Variants in UGGT2 observed in about 807,000 individuals in gnomAD.
UGGT2 encodes UDP-glucose glycoprotein glucosyltransferase 2.
Under a neutral mutation model 192.1 loss-of-function variants are expected in UGGT2, and 180 were observed. The observed-to-expected ratio is 0.94, with a 90% CI of 0.83 to 1.06. The LOEUF is 1.06. Ranked by LOEUF, UGGT2 falls within the 50% of genes least tolerant of loss-of-function variation. UGGT2 has a pLI of 0.00. For missense variants in UGGT2, 1,849 were observed against 1,795.7 expected, an observed-to-expected ratio of 1.03 and a Z score of -0.54; for synonymous variants, 580 against 591.0, an observed-to-expected ratio of 0.98 and a Z score of 0.27.
Position 96,053,243 on chromosome 13 carries a change from G to A in UGGT2, c.70C>T (p.Leu24Phe), listed in dbSNP as rs939816032. 4 of 1,555,068 alleles carry A rather than the reference G, an allele frequency of 2.6e-6. No homozygotes were observed. Among genetic ancestry groups the A allele is most frequent in the East Asian group, 2.4e-5 (1 of 41,572 alleles). The change falls in exon 1 of 39, where the codon CTC becomes TTC. Residue 24 changes from leucine (L) to phenylalanine (F), a missense_variant. Transcript: ENST00000376747. Reference sequence around the variant, plus strand: ...GACGCGGCGACCGTCCCGGAGCCGAGCTGCGAAAGCCACAGCGCTGTGGAG... The same window carrying A: ...GACGCGGCGACCGTCCCGGAGCCGAACTGCGAAAGCCACAGCGCTGTGGAG... ...LGSTALWLSQ[L>F]GSGTVAASKS...
intron 17 of UGGT2, among the ~76,000 whole-genome samples, chr13:95,933,678 TTTTG>T (rs140258720): frequency 0.35 from 53,295 of 151,606 alleles, 9,751 homozygotes; most frequent in Non-Finnish European, 0.41. Context: ...TTCTAAATTT[TTTTG>T]TTTTTGTTTT....
At chr13:95,929,792 G>A (rs768483835) in intron 17 of UGGT2, among the ~76,000 whole-genome samples, 4 of 152,180 alleles carry the variant, frequency 2.6e-5, no homozygotes, top group Non-Finnish European at 5.9e-5. Flanking sequence ...TTCCTCTGGA[G>A]ATGTACCCAG....
chr13:96,040,684 C>T (rs509323), intron 1 of UGGT2, among the ~76,000 whole-genome samples: 147,906 of 152,248 alleles, frequency 0.97, 71,991 homozygotes, highest in East Asian at 1. Context: ...AATACCCTGG[C>T]AAACCCATAG....
chr13:95,854,375 T>C lies in UGGT2; in HGVS notation c.4109A>G (p.Tyr1370Cys), dbSNP rs1889366942. 5.0e-6 allele frequency: 8 copies of C among 1,613,908 alleles called. No individual in the cohort carries two copies. Among genetic ancestry groups the C allele is most frequent in the Non-Finnish European group, 6.8e-6 (8 of 1,179,886 alleles). ...CCAGTATCCTGTTTTCCAGAAACGA[T>C]ATCCATCCATTTCCCTGCGGCTATC... Reference protein sequence around the residue: ...FCDSRREMDGYRFWKTGYWAS... With the variant: ...FCDSRREMDGCRFWKTGYWAS... The change falls in exon 35 of 39, where the codon TAT becomes TGT. Residue 1370 changes from tyrosine (Y) to cysteine (C), a missense_variant. Transcript: ENST00000376747.
At chr13:95,908,873 A>G (rs1174099789) in intron 20 of UGGT2, among the ~76,000 whole-genome samples, 2 of 126,772 alleles carry the variant, frequency 1.6e-5, no homozygotes, top group African/African-American at 5.9e-5. Context: ...GTAGGTTGCG[A>G]AAATTTTCTC....
Position 95,937,043 on chromosome 13 carries a change from G to C in UGGT2, c.1858C>G (p.Gln620Glu). Residue 620 changes from glutamine (Q) to glutamate (E), a missense_variant, in exon 17 of 39, where the codon CAA becomes GAA. Physicochemically the swap from Gln to Glu is conservative, Grantham distance 29. Transcript: ENST00000376747. ...AAGGGTTCACCATTATAAAGAGCTT[G>C]AGGCAAAGGACCCAGGCCAGTCATC... is the stretch of plus-strand genomic sequence containing the variant. ...YKMTGLGPLP[Q>E]ALYNGEPFKH... 6.2e-7 allele frequency: 1 copy of C among 1,603,850 alleles called. No individual in the cohort carries two copies.
At chr13:95,992,704 T>C (rs1045405380) in intron 7 of UGGT2, among the ~76,000 whole-genome samples, 1 of 151,830 alleles carries the variant, frequency 6.6e-6, no homozygotes, top group African/African-American at 2.4e-5. Context: ...ATCAGAGAAA[T>C]GCAAGTCAAA....
chr13:95,895,703 A>T (rs1361236685), intron 22 of UGGT2, among the ~76,000 whole-genome samples: 2 of 152,090 alleles, frequency 1.3e-5, no homozygotes, highest in East Asian at 1.9e-4. Flanking sequence ...CTATATTTTT[A>T]AAAATCTTTT....
intron 13 of UGGT2, 80 bp from the exon 14 acceptor site, chr13:95,948,161 C>T: frequency 1.8e-6 from 2 of 1,123,592 alleles, no homozygotes; most frequent in Non-Finnish European, 1.3e-6. Flanking sequence ...ATTTTTGTGA[C>T]TGAAAGTATG....
chr13:95,987,837 C>T (rs905563605), intron 8 of UGGT2, among the ~76,000 whole-genome samples: 4 of 152,074 alleles, frequency 2.6e-5, no homozygotes, highest in Admixed American at 6.6e-5. Flanking sequence ...CTTTGTTTGC[C>T]CCCCGCATCC....
chr13:95,926,129 C>T (rs1007995625), intron 19 of UGGT2, among the ~76,000 whole-genome samples: 2 of 151,774 alleles, frequency 1.3e-5, no homozygotes, highest in African/African-American at 4.8e-5. Context: ...ATTTATGTCC[C>T]AAATATATGT....
At chr13:95,994,183 A>G (rs1594531157) in intron 7 of UGGT2, among the ~76,000 whole-genome samples, 1 of 152,162 alleles carries the variant, frequency 6.6e-6, no homozygotes, top group Middle Eastern at 3.4e-3. Flanking sequence ...TCAGAACTTT[A>G]TCAACTCCTG....
At chr13:95,892,683 C>G (rs1281270247) in intron 24 of UGGT2, among the ~76,000 whole-genome samples, 4 of 152,124 alleles carry the variant, frequency 2.6e-5, no homozygotes, top group Non-Finnish European at 4.4e-5. Context: ...ATTGAAAACA[C>G]TGTTCATTAT....
intron 20 of UGGT2, among the ~76,000 whole-genome samples, chr13:95,925,461 G>T (rs2048987978): frequency 6.6e-6 from 1 of 152,038 alleles, no homozygotes; most frequent in Admixed American, 6.6e-5. Context: ...TGATCACAAG[G>T]ACTACCAGAG....
chr13:95,895,378 AAT>A, intron 22 of UGGT2, 74 bp from the exon 23 acceptor site: 1 of 951,490 alleles, frequency 1.1e-6, no homozygotes, highest in Non-Finnish European at 1.4e-6. Flanking sequence ...TTCCTCATCA[AAT>A]AGATATTTCT....
At position 95,925,750 on chromosome 13, in the gene UGGT2, G is replaced by T. The variant is rs759290036; in HGVS notation, c.2225C>A (p.Thr742Asn). 1 of 1,565,180 alleles carries T rather than the reference G, an allele frequency of 6.4e-7. No homozygotes were observed. Among genetic ancestry groups the T allele is most frequent in the South Asian group, 1.2e-5 (1 of 81,204 alleles). Reference sequence around the variant, plus strand: ...ATCAAAATCTGCAATAATCCAGAGAGTGACTGCAGAAATTATACTCTCATC... The same window carrying T: ...ATCAAAATCTGCAATAATCCAGAGATTGACTGCAGAAATTATACTCTCATC... ...QDDESIISAVTLWIIADFDKP... is the reference protein window; with the variant it reads ...QDDESIISAVNLWIIADFDKP... Residue 742 changes from threonine to asparagine, a missense_variant, in exon 20 of 39, where the codon ACT becomes AAT. By Grantham distance (65) the Thr-to-Asn change is moderately conservative (BLOSUM62 0). Coordinates refer to ENST00000376747, the MANE Select transcript of UGGT2 (RefSeq NM_020121.4).
In UGGT2 at chr13:96,018,139, C is replaced by T. The variant is rs1447449904; in HGVS notation, c.486-4658G>A. ...GTAAAAAAAGAATAGTAAACTGATT[C>T]TTCATCTCTCCCTATTTCCTATTCC... On this transcript the variant is annotated intron_variant, in intron 4 of 38. Transcript: ENST00000376747. 2.0e-5 allele frequency among the ~76,000 whole-genome samples: 3 copies of T among 152,280 alleles called. No individual in the cohort carries two copies. In the East Asian group the frequency reaches 5.8e-4, roughly 29 times the overall value.
rs779969980 is a variant in UGGT2, at chr13:95,927,135, T to C, written c.2102-9A>G. The C allele has an allele frequency of 1.2e-6, 2 of 1,606,584 alleles. No individual in the cohort carries two copies. ...TTCAACATCAGCAGTTACTGAAAAA[T>C]TTCAAATTAAACGTTAAATATAAAT... On this transcript the variant is annotated splice_polypyrimidine_tract_variant and intron_variant, in intron 18 of 38. Transcript: ENST00000376747.
At chr13:95,820,076 T>C (rs903308741) in intron 38 of UGGT2, among the ~76,000 whole-genome samples, 4 of 152,126 alleles carry the variant, frequency 2.6e-5, no homozygotes, top group African/African-American at 9.7e-5. Context: ...AAGAATCACT[T>C]GAACCTCGGA....
Sources: gnomAD v4.1 joint callset for allele counts (sites outside exome capture counted in the v4.1 genomes callset) on GRCh38, gnomAD v4.1.1 for gene constraint, MANE v1.5 for transcripts, NCBI Gene and HGNC (gene_info 2026-07-23, HGNC 2026-07-21) for gene names.